Variants in PDLIM1 observed in about 807,000 individuals in gnomAD.
The protein encoded by PDLIM1 is PDZ and LIM domain 1.
In PDLIM1, 25 loss-of-function variants were observed where a neutral mutation model predicts 35.2. The observed-to-expected ratio is 0.71, with a 90% CI of 0.52 to 0.99. The LOEUF (loss-of-function observed/expected upper bound fraction) is 0.99. Ranked by LOEUF, PDLIM1 falls within the 50% of genes least tolerant of loss-of-function variation. PDLIM1 has a pLI of 0.00. For missense variants in PDLIM1, 363 were observed against 415.3 expected, an observed-to-expected ratio of 0.87 and a Z score of 1.09; for synonymous variants, 152 against 154.0, an observed-to-expected ratio of 0.99 and a Z score of 0.10.
intron 1 of PDLIM1, among the ~76,000 whole-genome samples, chr10:95,281,833 C>T (rs1017109442): frequency 2.0e-5 from 3 of 152,304 alleles, no homozygotes; most frequent in South Asian, 2.1e-4. Flanking sequence ...CTAAATAACT[C>T]GACGTGGGTC....
At chr10:95,272,943 C>G (rs2035477947) in intron 1 of PDLIM1, 1 of 152,122 alleles carries the variant, frequency 6.6e-6, no homozygotes, top group African/African-American at 2.4e-5. Flanking sequence ...CAATACATAT[C>G]ACATCTCCTA....
rs371995579 is a variant in PDLIM1, at chr10:95,253,044, A to G, written c.534-5678T>C. On this transcript the variant is annotated intron_variant, in intron 4 of 6. Coordinates refer to ENST00000329399, the MANE Select transcript of PDLIM1 (RefSeq NM_020992.4). ...AGAAGTGAAGTGAACAGGAAACAGGATAAACCTAAAAAAATCCACACCAAA... is the reference window on the plus strand; with the variant it reads ...AGAAGTGAAGTGAACAGGAAACAGGGTAAACCTAAAAAAATCCACACCAAA... Among the ~76,000 whole-genome samples the G allele has an allele frequency of 5.3e-5, 8 of 152,306 alleles. 1 individual carries two copies. The East Asian group carries it at 9.6e-4, about 18-fold the overall frequency.
At chr10:95,265,760 TAGAC>T (rs926778948) in intron 3 of PDLIM1, among the ~76,000 whole-genome samples, 1 of 149,410 alleles carries the variant, frequency 6.7e-6, no homozygotes, top group Non-Finnish European at 1.5e-5. Flanking sequence ...AAAAAAAAGT[TAGAC>T]AGTCAAGTAG....
In PDLIM1 at chr10:95,264,264, G is replaced by A. The variant is rs45498997; in HGVS notation, c.334-201C>T. On this transcript the variant is annotated intron_variant, in intron 3 of 6. Coordinates refer to ENST00000329399, the MANE Select transcript of PDLIM1 (RefSeq NM_020992.4). ...GGGAAGTTTCCCACAATGGGCACCTGTGCGAGTTCACACCCCCTGAATCAT... is the reference window on the plus strand; with the variant it reads ...GGGAAGTTTCCCACAATGGGCACCTATGCGAGTTCACACCCCCTGAATCAT... Among the ~76,000 whole-genome samples, 15 of 152,262 alleles carry A rather than the reference G, an allele frequency of 9.9e-5. No individual in the cohort carries two copies. The East Asian group carries it at 2.9e-3, about 29-fold the overall frequency.
chr10:95,284,706 A>G (rs142939818), intron 1 of PDLIM1, among the ~76,000 whole-genome samples: 2 of 152,282 alleles, frequency 1.3e-5, no homozygotes, highest in East Asian at 3.9e-4. Context: ...CTATGTTCTT[A>G]TTGTCTTACT....
intron 4 of PDLIM1, among the ~76,000 whole-genome samples, chr10:95,253,438 T>G (rs2035284774): frequency 6.6e-6 from 1 of 152,096 alleles, no homozygotes; most frequent in Non-Finnish European, 1.5e-5. Flanking sequence ...GTGGCTCACC[T>G]GAGGTGAGGA....
intron 4 of PDLIM1, among the ~76,000 whole-genome samples, chr10:95,257,205 G>A (rs2035323720): frequency 6.6e-6 from 1 of 151,678 alleles, no homozygotes; most frequent in African/African-American, 2.4e-5. Context: ...ACCAGCCTGA[G>A]ACCCTGTCTC....
intron 4 of PDLIM1, among the ~76,000 whole-genome samples, chr10:95,248,046 G>C (rs1460672795): frequency 6.6e-6 from 1 of 152,200 alleles, no homozygotes. Flanking sequence ...CCCAGAACAA[G>C]ATAAGACAGG....
chr10:95,271,761 A>G lies in PDLIM1; in HGVS notation c.120T>C (p.Ala40=). The G allele has an allele frequency of 1.2e-6, 2 of 1,612,164 alleles. No individual in the cohort carries two copies. Among genetic ancestry groups the G allele is most frequent in the Non-Finnish European group, 1.7e-6 (2 of 1,179,442 alleles). ...ISRVTPGSKA[A]LANLCIGDVI... is the part of the protein sequence containing the mutation. ...CATCTCCAATACATAAATTAGCTAGAGCCGCCTTGCTTCCAGGAGTGACCT... is the reference window on the plus strand; with the variant it reads ...CATCTCCAATACATAAATTAGCTAGGGCCGCCTTGCTTCCAGGAGTGACCT... The change falls in exon 2 of 7, where the codon GCT becomes GCC. Residue 40 remains alanine, a synonymous_variant. Coordinates refer to ENST00000329399, the MANE Select transcript of PDLIM1 (RefSeq NM_020992.4).
chr10:95,286,116 G>C (rs1215382618), intron 1 of PDLIM1, among the ~76,000 whole-genome samples: 3 of 152,204 alleles, frequency 2.0e-5, no homozygotes, highest in African/African-American at 7.2e-5. Flanking sequence ...CAGCACTTTG[G>C]GAGGCTAAGG....
intron 4 of PDLIM1, among the ~76,000 whole-genome samples, chr10:95,260,782 C>T (rs1439168451): frequency 7.2e-5 from 11 of 152,194 alleles, no homozygotes; most frequent in East Asian, 1.9e-4. Context: ...GGAACTTCAG[C>T]GAATTTCACA....
intron 4 of PDLIM1, 129 bp downstream of exon 4, chr10:95,263,735 A>G (rs2035386041): frequency 1.6e-6 from 1 of 619,994 alleles, no homozygotes; most frequent in Non-Finnish European, 2.8e-6. Context: ...ATGAACACAG[A>G]AGTGTTCTGC....
At chr10:95,238,174 C>T (rs1384620382) in intron 6 of PDLIM1, 63 bp from the exon 7 acceptor site, 18 of 1,442,660 alleles carry the variant, frequency 1.2e-5, no homozygotes, top group Non-Finnish European at 1.7e-5. Context: ...GGCACCTGAG[C>T]AGGTGGCACC....
intron 1 of PDLIM1, among the ~76,000 whole-genome samples, chr10:95,274,748 G>A (rs554694357): frequency 6.6e-6 from 1 of 152,316 alleles, no homozygotes; most frequent in South Asian, 2.1e-4. Flanking sequence ...TCTGTGCTGT[G>A]ATATTGCAAA....
At chr10:95,246,244 G>T (rs1249628516) in intron 5 of PDLIM1, among the ~76,000 whole-genome samples, 1 of 152,232 alleles carries the variant, frequency 6.6e-6, no homozygotes, top group Non-Finnish European at 1.5e-5. Context: ...TACCAGGGAA[G>T]AAGCGGGTGT....
chr10:95,240,850 CCA>C (rs1000881828), intron 5 of PDLIM1, among the ~76,000 whole-genome samples: 7 of 152,070 alleles, frequency 4.6e-5, no homozygotes, highest in Admixed American at 3.3e-4. Flanking sequence ...GCCTAAGGCC[CCA>C]CTCATCACAT....
chr10:95,264,428 T>C (rs1244908371), intron 3 of PDLIM1, among the ~76,000 whole-genome samples: 1 of 152,108 alleles, frequency 6.6e-6, no homozygotes, highest in East Asian at 1.9e-4. Context: ...ACCAAAGAGA[T>C]TAAAGCACTA....
chr10:95,264,419 C>A (rs2035395081), intron 3 of PDLIM1, among the ~76,000 whole-genome samples: 1 of 152,188 alleles, frequency 6.6e-6, no homozygotes, highest in Non-Finnish European at 1.5e-5. Context: ...AGGGCACATA[C>A]CAAAGAGATT....
rs183012049 is a variant in PDLIM1 at position 95,273,796 on chromosome 10, G to A, written c.97-2012C>T. Among the ~76,000 whole-genome samples, 8 of 152,196 alleles carry A rather than the reference G, an allele frequency of 5.3e-5. No individual in the cohort carries two copies. In the East Asian group the frequency reaches 5.8e-4, roughly 11 times the overall value. On this transcript the variant is annotated intron_variant, in intron 1 of 6. Transcript: ENST00000329399. ...AGAGTTAGCTTCTGAGTCATCCAGT[G>A]CATGCAATAAAAAAAAATTCCTCCG... is the stretch of plus-strand genomic sequence containing the variant.
Sources: gnomAD v4.1 joint callset for allele counts (sites outside exome capture counted in the v4.1 genomes callset) on GRCh38, gnomAD v4.1.1 for gene constraint, MANE v1.5 for transcripts, NCBI Gene and HGNC (gene_info 2026-07-23, HGNC 2026-07-21) for gene names.